The following MYBPC3 variants were observed in gnomAD, a reference collection of about 807,000 sequenced individuals.
The protein encoded by MYBPC3 is myosin binding protein C3.
In MYBPC3, 108 loss-of-function variants were observed where a neutral mutation model predicts 159.3. The ratio of observed to expected loss-of-function variants is 0.68; its 90% CI spans 0.58 to 0.80. MYBPC3 has a LOEUF of 0.80. Among genes scored for constraint, MYBPC3 ranks in the 30% least tolerant of loss-of-function variants. The probability of loss-of-function intolerance (pLI) is 0.00; values close to 1 mark genes in which losing one functional copy is unlikely to be tolerated. For synonymous variants in MYBPC3, 730 were observed against 702.0 expected (o/e 1.04, Z -0.63); for missense variants, 1,631 against 1,762.1 (o/e 0.93, Z 1.33).
chr11:47,346,093 A>G lies in MYBPC3; in HGVS notation c.1090+114T>C, dbSNP rs910897148. 4.2e-5 allele frequency: 60 copies of G among 1,423,852 alleles called. No individual in the cohort carries two copies. Among genetic ancestry groups the G allele is most frequent in the Non-Finnish European group, 5.2e-5 (55 of 1,052,700 alleles). 88.2% of individuals were successfully genotyped at this position (1,423,852 alleles called of 1,614,324 possible). ...ATGTATGTGGACGAGGTGGGGGGCT[A>G]ACCTGTGCCCTCTCCTCTCCCCTGT... On this transcript the variant is annotated intron_variant, in intron 12 of 34. Transcript: ENST00000545968. The surrounding 1 kb of genome is among the most constrained non-coding windows in gnomAD (Gnocchi z 5.3).
chr11:47,346,538 C>A lies in MYBPC3; in HGVS notation c.926+89G>T. 1 of 1,494,016 alleles carries A rather than the reference C, an allele frequency of 6.7e-7. No individual in the cohort carries two copies. 92.5% of individuals were successfully genotyped at this position (1,494,016 alleles called of 1,614,324 possible). ...GTCCCAGGCCAGGCAGGACTGGGGG[C>A]CAAGGGAGCTGAAGAGGGGCTGGGG... is the stretch of plus-strand genomic sequence containing the variant. On this transcript the variant is annotated intron_variant, in intron 11 of 34. Coordinates refer to ENST00000545968, the MANE Select transcript of MYBPC3 (RefSeq NM_000256.3). The surrounding 1 kb of genome is among the most constrained non-coding windows in gnomAD (Gnocchi z 5.3).
chr11:47,331,939 A>T, intron 33 of MYBPC3, 58 bp from the exon 34 acceptor site: 2 of 1,602,208 alleles, frequency 1.2e-6, no homozygotes, highest in Non-Finnish European at 1.7e-6. Flanking sequence ...GCTATTGCCC[A>T]TCTGGGCGTG....
chr11:47,344,981 G>A (rs534686819), intron 12 of MYBPC3, among the ~76,000 whole-genome samples: 2 of 152,198 alleles, frequency 1.3e-5, no homozygotes, highest in Admixed American at 6.5e-5. Flanking sequence ...GTAGAGACGG[G>A]GTTTCACCAT....
chr11:47,338,639 GT>G lies in MYBPC3; in HGVS notation c.2188del (p.Thr730ProfsTer24). 6.2e-7 allele frequency: 1 copy of G among 1,613,926 alleles called. No individual in the cohort carries two copies. Among genetic ancestry groups the G allele is most frequent in the Non-Finnish European group, 8.5e-7 (1 of 1,179,862 alleles). ...ETEGRVRVET[T>X]KDRSIFTVEG... ...GACCGTGAAGATGCTGCGGTCCTTG[GT>G]GGTCTCCACGCGGACCCGGCCCTCG... On this transcript the variant is annotated frameshift_variant, in exon 23 of 35. Transcript: ENST00000545968. LOFTEE classifies it high-confidence loss of function. The surrounding 1 kb of genome is among the most constrained non-coding windows in gnomAD (Gnocchi z 4.7).
Position 47,350,396 on chromosome 11 carries a change from G to A in MYBPC3, c.406+106C>T, listed in dbSNP as rs971415142. The A allele has an allele frequency of 1.1e-5, 17 of 1,505,752 alleles. No individual in the cohort carries two copies. The South Asian group carries it at 2.2e-4, about 19-fold the overall frequency. 93.3% of individuals were successfully genotyped at this position (1,505,752 alleles called of 1,614,324 possible). On this transcript the variant is annotated intron_variant, in intron 3 of 34. Transcript: ENST00000545968. ...CACCTCGGCCTCCCAAAGTACTGGG[G>A]ATTATAGGCCTGAGCCACCGCACCT...
rs1415753419 is a variant in MYBPC3, at chr11:47,342,867, C to G, written c.1420G>C (p.Glu474Gln). Residue 474 changes from glutamate (E) to glutamine (Q), a missense_variant, in exon 16 of 35, where the codon GAG becomes CAG. Physicochemically the swap from Glu to Gln is conservative, Grantham distance 29. Coordinates refer to ENST00000545968, the MANE Select transcript of MYBPC3 (RefSeq NM_000256.3). ...GCCCCCTCCTCCGATACTTCACACT[C>G]AAACTCCACCCGCTGCCCCACCATC... ...LVMVGQRVEF[E>Q]CEVSEEGAQV... 1 of 1,613,354 alleles carries G rather than the reference C, an allele frequency of 6.2e-7. No homozygotes were observed.
At chr11:47,342,256 G>A in intron 17 of MYBPC3, 100 bp from the exon 18 acceptor site, 5 of 1,419,748 alleles carry the variant, frequency 3.5e-6, no homozygotes, top group Non-Finnish European at 4.7e-6. Context: ...GTGCGCACGT[G>A]TCTGGGTGCA....
intron 19 of MYBPC3, 40 bp downstream of exon 19, chr11:47,341,098 C>T (rs752001472): frequency 5.9e-5 from 93 of 1,564,472 alleles, no homozygotes; most frequent in Non-Finnish European, 7.7e-5. Flanking sequence ...GGGCTCCTGG[C>T]CCCACTGCCC....
chr11:47,331,951 C>T (rs2095877046), intron 33 of MYBPC3, 70 bp from the exon 34 acceptor site: 5 of 1,594,992 alleles, frequency 3.1e-6, no homozygotes, highest in Non-Finnish European at 4.3e-6. Context: ...CTGGGCGTGG[C>T]AGGGTCCGTG....
chr11:47,333,604 C>T lies in MYBPC3; in HGVS notation c.3143G>A (p.Arg1048His), dbSNP rs769018051. ...GGCCTTGTCCTCCATGTTCTCAATGCGCACCGTCACCTGGTAAGTGCCTGA... is the reference window on the plus strand; with the variant it reads ...GGCCTTGTCCTCCATGTTCTCAATGTGCACCGTCACCTGGTAAGTGCCTGA... ...VHSGTYQVTV[R>H]IENMEDKATL... Residue 1048 changes from arginine (R) to histidine (H), a missense_variant, in exon 29 of 35, where the codon CGC (arginine) becomes CAC (histidine). Physicochemically the swap from Arg to His is conservative, Grantham distance 29. Coordinates refer to ENST00000545968, the MANE Select transcript of MYBPC3 (RefSeq NM_000256.3). 32 of 1,603,130 alleles carry T rather than the reference C, an allele frequency of 2.0e-5. No homozygotes were observed. Among genetic ancestry groups the T allele is most frequent in the South Asian group, 8.8e-5 (8 of 91,092 alleles).
chr11:47,348,596 C>T (rs1038770236), intron 5 of MYBPC3, 55 bp from the exon 6 acceptor site: 140 of 1,412,910 alleles, frequency 9.9e-5, no homozygotes, highest in Non-Finnish European at 1.3e-4. Flanking sequence ...GGAGACAAGG[C>T]TCCGCACCCT....
Position 47,342,770 on chromosome 11 carries a change from G to C in MYBPC3, c.1458-26C>G, listed in dbSNP as rs11570081. ...CTAGCCGGGTGGGTGGGTGGCAAGT[G>C]CTGTGGCCTCTTCTGGGCAGATGCC... On this transcript the variant is annotated intron_variant, in intron 16 of 34. Coordinates refer to ENST00000545968, the MANE Select transcript of MYBPC3 (RefSeq NM_000256.3). 974 of 1,613,336 alleles carry C rather than the reference G, an allele frequency of 6.0e-4. 8 individuals are homozygous for C. The African/African-American group carries it at 0.011, about 18-fold the overall frequency.
chr11:47,332,963 G>T lies in MYBPC3; in HGVS notation c.3341C>A (p.Thr1114Asn). Reference protein sequence around the residue: ...KADKKTMEWFTVLEHYRRTHC... With the variant: ...KADKKTMEWFNVLEHYRRTHC... Reference sequence around the variant, plus strand: ...GGTGCGGCGGTAATGCTCCAAGACGGTGAACCACTCCTGGGGGCAGGGAGG... The same window carrying T: ...GGTGCGGCGGTAATGCTCCAAGACGTTGAACCACTCCTGGGGGCAGGGAGG... The change falls in exon 31 of 35, where the codon ACC becomes AAC. Residue 1114 changes from threonine (T) to asparagine (N), a missense_variant. Coordinates refer to ENST00000545968, the MANE Select transcript of MYBPC3 (RefSeq NM_000256.3). The surrounding 1 kb of genome is among the most constrained non-coding windows in gnomAD (Gnocchi z 4.2). The T allele has an allele frequency of 1.2e-6, 2 of 1,610,066 alleles. No individual in the cohort carries two copies. Among genetic ancestry groups the T allele is most frequent in the East Asian group, 4.5e-5 (2 of 44,774 alleles).
At position 47,341,036 on chromosome 11, in the gene MYBPC3, C is replaced by A. The variant is rs2095887900; in HGVS notation, c.1898-4G>T. ...GGTACGAAGTCAATCTTGACCTCTG[C>A]AAGAGAAGGAAGAGCAAGTAGCACG... On this transcript the variant is annotated splice_region_variant and splice_polypyrimidine_tract_variant and intron_variant, in intron 19 of 34. Coordinates refer to ENST00000545968, the MANE Select transcript of MYBPC3 (RefSeq NM_000256.3). 1 of 1,576,120 alleles carries A rather than the reference C, an allele frequency of 6.3e-7. No homozygotes were observed. Among genetic ancestry groups the A allele is most frequent in the Non-Finnish European group, 8.6e-7 (1 of 1,160,220 alleles).
chr11:47,347,539 G>A (rs2095895521), intron 8 of MYBPC3, 60 bp from the exon 9 acceptor site: 1 of 1,567,522 alleles, frequency 6.4e-7, no homozygotes, highest in African/African-American at 1.4e-5. Context: ...TTAGGAGCAG[G>A]ATGGGAGTGG....
At chr11:47,339,290 A>G (rs753750938) in intron 22 of MYBPC3, 34 bp downstream of exon 22, 4 of 1,608,804 alleles carry the variant, frequency 2.5e-6, no homozygotes, top group Non-Finnish European at 2.6e-6. Flanking sequence ...GATGAAAGAC[A>G]AACGAGCCTC....
At chr11:47,341,937 C>G in intron 18 of MYBPC3, 54 bp downstream of exon 18, 1 of 1,545,536 alleles carries the variant, frequency 6.5e-7, no homozygotes, top group Non-Finnish European at 8.8e-7. Context: ...CTGTGTCTCT[C>G]TCTGTCTCCA....
In MYBPC3 at chr11:47,351,591, G is replaced by A. The variant is rs1565632025; in HGVS notation, c.26-86C>T. ...GCCCCTCTCAGTAAATACTGTGCTA[G>A]CACTTTCTATGCATCCCCTCACGTA... On this transcript the variant is annotated intron_variant, in intron 1 of 34. Transcript: ENST00000545968. This position sits in a 1 kb window ranked among gnomAD's most constrained non-coding sequence, Gnocchi z 4.2. The A allele has an allele frequency of 1.4e-6, 2 of 1,391,684 alleles. No homozygotes were observed. Among genetic ancestry groups the A allele is most frequent in the East Asian group, 5.0e-5 (2 of 40,030 alleles). The allele number at this position is 1,391,684 out of a possible 1,614,324, so 86.2% of individuals were successfully genotyped here. A position where few individuals can be genotyped will look rare whatever the true frequency, so the allele number is the denominator to read the frequency against.
intron 18 of MYBPC3, among the ~76,000 whole-genome samples, chr11:47,341,586 G>A (rs1021507145): frequency 6.6e-6 from 1 of 152,190 alleles, no homozygotes; most frequent in Non-Finnish European, 1.5e-5. Flanking sequence ...AGGCAGTGAG[G>A]GCCTCTGGCC....
Sources: allele counts gnomAD v4.1 joint callset (sites outside exome capture counted in the v4.1 genomes callset), GRCh38; gene constraint gnomAD v4.1.1; non-coding constraint Gnocchi (gnomAD v3.1); transcripts MANE v1.5; gene names NCBI Gene and HGNC (gene_info 2026-07-23, HGNC 2026-07-21).